Variants in MMP20 observed in about 807,000 individuals in gnomAD.
MMP20 encodes matrix metalloproteinase-20.
In MMP20, 50 loss-of-function variants were observed where a neutral mutation model predicts 51.8. The ratio of observed to expected loss-of-function variants is 0.97; its 90% CI spans 0.77 to 1.22. The LOEUF is 1.22. Ranked by LOEUF, MMP20 falls within the 50% of genes most tolerant of loss-of-function variation. The pLI is 0.00. For missense variants in MMP20, 663 were observed against 601.4 expected (o/e 1.10, Z -1.07); for synonymous variants, 244 against 216.2 (o/e 1.13, Z -1.13).
At chr11:102,623,379 C>T (rs1285273973) in intron 1 of MMP20, among the ~76,000 whole-genome samples, 1 of 152,190 alleles carries the variant, frequency 6.6e-6, no homozygotes, top group African/African-American at 2.4e-5. Context: ...CCTGTCAGAT[C>T]AGCAGAGTCA....
chr11:102,610,067 C>G, intron 3 of MMP20, 37 bp from the exon 4 acceptor site: 1 of 1,612,644 alleles, frequency 6.2e-7, no homozygotes, highest in Non-Finnish European at 8.5e-7. Flanking sequence ...AAGATTGAGT[C>G]CTTCTAGAAA....
In MMP20 at chr11:102,618,030, A is replaced by G. The variant is rs188864556; in HGVS notation, c.127-971T>C. 5.9e-5 allele frequency among the ~76,000 whole-genome samples: 9 copies of G among 152,348 alleles called. No homozygotes were observed. In the East Asian group the frequency reaches 1.3e-3, roughly 23 times the overall value. ...ATATAAAATGGCATAATATTTGCATACAACTTAAGTACAGCCTCCTGTATG... is the reference window on the plus strand; with the variant it reads ...ATATAAAATGGCATAATATTTGCATGCAACTTAAGTACAGCCTCCTGTATG... On this transcript the variant is annotated intron_variant, in intron 1 of 9. Coordinates refer to ENST00000260228, the MANE Select transcript of MMP20 (RefSeq NM_004771.4).
intron 6 of MMP20, among the ~76,000 whole-genome samples, chr11:102,597,667 C>G (rs1389634005): frequency 6.6e-6 from 1 of 152,088 alleles, no homozygotes; most frequent in African/African-American, 2.4e-5. Flanking sequence ...GTTAAGAAAC[C>G]CTGCTTTAAA....
chr11:102,618,405 AC>A, intron 1 of MMP20, among the ~76,000 whole-genome samples: 1 of 151,680 alleles, frequency 6.6e-6, no homozygotes, highest in East Asian at 1.9e-4. Context: ...TTGTTTACTT[AC>A]ATATTATACA....
At chr11:102,591,290 T>C (rs1336243324) in intron 8 of MMP20, among the ~76,000 whole-genome samples, 2 of 152,158 alleles carry the variant, frequency 1.3e-5, no homozygotes, top group African/African-American at 2.4e-5. Context: ...GCTGAAGGGA[T>C]TGTCTATGTT....
intron 5 of MMP20, chr11:102,608,189 G>A (rs1859543873): frequency 6.6e-6 from 1 of 152,084 alleles, no homozygotes; most frequent in African/African-American, 2.4e-5. Flanking sequence ...AGGTCTCCAG[G>A]GCTCAAAGGA....
chr11:102,602,352 A>G (rs1164239876), intron 6 of MMP20, among the ~76,000 whole-genome samples: 2 of 151,852 alleles, frequency 1.3e-5, no homozygotes, highest in Non-Finnish European at 2.9e-5. Context: ...AAAAATATAT[A>G]GAATCCTATT....
At chr11:102,608,094 G>C (rs1859542684) in intron 5 of MMP20, 1 of 152,214 alleles carries the variant, frequency 6.6e-6, no homozygotes, top group South Asian at 2.1e-4. Flanking sequence ...CAGATTCCTA[G>C]CACCCCAGGA....
rs923821180 is a variant in MMP20 at position 102,616,065 on chromosome 11, C to T, written c.374+747G>A. 3.9e-5 allele frequency among the ~76,000 whole-genome samples: 6 copies of T among 152,092 alleles called. 1 individual carries two copies. The highest frequency in any genetic ancestry group is 1.4e-4 in the African/African-American group (6 of 41,402). The stretch of plus-strand genomic sequence containing the variant: ...AGCACAGCAGGGAGGGACAGAGGTT[C>T]TGGTTGGGTGTGTCCCCTTGGTTTA... On this transcript the variant is annotated intron_variant, in intron 2 of 9. Transcript: ENST00000260228.
At chr11:102,587,875 G>A (rs1480536345) in intron 8 of MMP20, among the ~76,000 whole-genome samples, 1 of 152,054 alleles carries the variant, frequency 6.6e-6, no homozygotes, top group East Asian at 1.9e-4. Context: ...ATATAGGTGG[G>A]TCTTGTTTTT....
chr11:102,594,679 C>T lies in MMP20; in HGVS notation c.1032G>A (p.Met344Ile). The T allele has an allele frequency of 1.2e-6, 2 of 1,611,084 alleles. No homozygotes were observed. The highest frequency in any genetic ancestry group is 1.7e-6 in the Non-Finnish European group (2 of 1,179,568). ...STITSSFPQL[M>I]SNVDAAYEVA... Reference sequence around the variant, plus strand: ...CTTCGTAAGCTGCATCCACATTGGACATGAGCTGGGGGAAGGAGCTGGTAA... The same window carrying T: ...CTTCGTAAGCTGCATCCACATTGGATATGAGCTGGGGGAAGGAGCTGGTAA... Residue 344 changes from methionine to isoleucine, a missense_variant, in exon 7 of 10, where the codon ATG becomes ATA. Transcript: ENST00000260228.
chr11:102,591,622 T>A (rs1463417404), intron 8 of MMP20, among the ~76,000 whole-genome samples: 1 of 152,054 alleles, frequency 6.6e-6, no homozygotes, highest in Non-Finnish European at 1.5e-5. Context: ...ACCAGAAAAA[T>A]GAGCTTGTTA....
chr11:102,613,794 AG>A (rs552592560), intron 2 of MMP20, among the ~76,000 whole-genome samples: 44 of 152,352 alleles, frequency 2.9e-4, no homozygotes, highest in Admixed American at 2.8e-3. Flanking sequence ...AGACCCTTAA[AG>A]GGACTATTTA....
At chr11:102,611,520 GTTACAGTGAA>G in intron 3 of MMP20, among the ~76,000 whole-genome samples, 1 of 152,238 alleles carries the variant, frequency 6.6e-6, no homozygotes, top group East Asian at 1.9e-4. Context: ...ATGAAAGTTT[GTTACAGTGAA>G]TCTACTCTAC....
At position 102,618,199 on chromosome 11, in the gene MMP20, G is replaced by A. The variant is rs17099122; in HGVS notation, c.127-1140C>T. On this transcript the variant is annotated intron_variant, in intron 1 of 9. Transcript: ENST00000260228. ...CTTCCCTGAAACAGATGCAACCGTC[G>A]ATTTTTTCCTGAATATTTTCAATCC... 3.7e-4 allele frequency among the ~76,000 whole-genome samples: 56 copies of A among 152,040 alleles called. No homozygotes were observed. In the South Asian group the frequency reaches 4.4e-3, roughly 12 times the overall value.
intron 8 of MMP20, among the ~76,000 whole-genome samples, chr11:102,585,881 T>C (rs1859249175): frequency 6.6e-6 from 1 of 152,210 alleles, no homozygotes; most frequent in African/African-American, 2.4e-5. Context: ...ATCATATGAT[T>C]TTTGTTTTTA....
At chr11:102,577,994 T>C (rs1456307333) in intron 9 of MMP20, among the ~76,000 whole-genome samples, 5 of 152,096 alleles carry the variant, frequency 3.3e-5, no homozygotes, top group Non-Finnish European at 7.3e-5. Flanking sequence ...TCCAGCCCTG[T>C]GCTATTTTTT....
intron 6 of MMP20, among the ~76,000 whole-genome samples, chr11:102,598,071 A>G (rs2135935945): frequency 6.6e-6 from 1 of 152,260 alleles, no homozygotes; most frequent in African/African-American, 2.4e-5. Flanking sequence ...TGGCCAAATT[A>G]TCACAAATTT....
intron 2 of MMP20, 45 bp from the exon 3 acceptor site, chr11:102,611,948 G>T: frequency 6.3e-7 from 1 of 1,580,610 alleles, no homozygotes; most frequent in South Asian, 1.1e-5. Flanking sequence ...TAACTGCTCC[G>T]AAGAAGGCAA....
Sources: allele counts gnomAD v4.1 joint callset (sites outside exome capture counted in the v4.1 genomes callset), GRCh38; gene constraint gnomAD v4.1.1; transcripts MANE v1.5; gene names NCBI Gene and HGNC (gene_info 2026-07-23, HGNC 2026-07-21).